GPATCH8: variants seen among roughly 807,000 people sequenced by gnomAD.
GPATCH8 encodes the protein G-patch domain containing 8.
Under a neutral mutation model 118.3 loss-of-function variants are expected in GPATCH8, and 18 were observed. The observed-to-expected ratio is 0.15, with a 90% CI of 0.11 to 0.23. The LOEUF (loss-of-function observed/expected upper bound fraction) is 0.23. GPATCH8 is among the 10% of genes least tolerant of loss of function. The pLI is 1.00. For synonymous variants in GPATCH8, 659 were observed against 684.7 expected (o/e 0.96, Z 0.59); for missense variants, 1,631 against 1,873.8 (o/e 0.87, Z 2.39).
intron 6 of GPATCH8, among the ~76,000 whole-genome samples, chr17:44,419,846 T>C (rs1304791293): frequency 2.6e-5 from 4 of 152,134 alleles, no homozygotes; most frequent in Non-Finnish European, 5.9e-5. Flanking sequence ...ACATTCCAAG[T>C]TCAGGGAAGA....
intron 1 of GPATCH8, among the ~76,000 whole-genome samples, chr17:44,475,161 C>G (rs1967640429): frequency 2.1e-5 from 3 of 145,572 alleles, no homozygotes; most frequent in Admixed American, 1.4e-4. Flanking sequence ...GGTGGATCAC[C>G]TGAGGTCAGG....
rs551110805 is a variant in GPATCH8, at chr17:44,483,962, G to A, written c.46-9059C>T. Among the ~76,000 whole-genome samples, 403 of 151,986 alleles carry A rather than the reference G, an allele frequency of 2.7e-3. 1 individual carries two copies. The highest frequency in any genetic ancestry group is 4.1e-3 in the Non-Finnish European group (276 of 67,976). On this transcript the variant is annotated intron_variant, in intron 1 of 7. Transcript: ENST00000591680. The stretch of plus-strand genomic sequence containing the variant: ...GTTCAAGCGATTCTCCTGCTTCAGC[G>A]TCCCGAGTAGCTAGGACTATAGGCA...
chr17:44,485,418 C>T (rs2144436377), intron 1 of GPATCH8, among the ~76,000 whole-genome samples: 1 of 152,160 alleles, frequency 6.6e-6, no homozygotes. Flanking sequence ...CTGGCCTTTA[C>T]TAATGTTTGA....
At chr17:44,430,262 T>C (rs1047142153) in intron 5 of GPATCH8, among the ~76,000 whole-genome samples, 3 of 152,178 alleles carry the variant, frequency 2.0e-5, no homozygotes, top group African/African-American at 7.2e-5. Context: ...TGTGTACAGA[T>C]GCAAAAATGC....
intron 3 of GPATCH8, among the ~76,000 whole-genome samples, chr17:44,445,557 G>C (rs902185840): frequency 5.3e-5 from 8 of 151,570 alleles, no homozygotes; most frequent in African/African-American, 1.9e-4. Flanking sequence ...CTAGGCTGGA[G>C]TGCAACAGCG....
In GPATCH8 at chr17:44,399,425, A is replaced by G. The variant is rs759909459; in HGVS notation, c.2652T>C (p.Ser884=). 26 of 1,613,922 alleles carry G rather than the reference A, an allele frequency of 1.6e-5. No homozygotes were observed. The South Asian group carries it at 2.9e-4, about 18-fold the overall frequency. Residue 884 remains serine (S), a synonymous_variant, in exon 8 of 8, where the codon AGT becomes AGC. Coordinates refer to ENST00000591680, the MANE Select transcript of GPATCH8 (RefSeq NM_001002909.4). ...SDASSDQSCY[S]RQRSYSDDSY... The stretch of plus-strand genomic sequence containing the variant: ...TGTCATCAGAGTAACTGCGCTGTCT[A>G]CTATAGCAGCTCTGGTCTGAAGAGG...
At chr17:44,425,905 G>A (rs2050073499) in intron 5 of GPATCH8, among the ~76,000 whole-genome samples, 2 of 151,848 alleles carry the variant, frequency 1.3e-5, no homozygotes, top group South Asian at 4.2e-4. Flanking sequence ...TTTCTTCTTG[G>A]GTATCATAAA....
At chr17:44,481,695 A>C (rs190241302) in intron 1 of GPATCH8, among the ~76,000 whole-genome samples, 5 of 152,314 alleles carry the variant, frequency 3.3e-5, no homozygotes, top group Admixed American at 6.5e-5. Context: ...AAATTTTTTG[A>C]AAAATGGTGA....
At chr17:44,463,046 G>A (rs1421864069) in intron 3 of GPATCH8, among the ~76,000 whole-genome samples, 4 of 151,946 alleles carry the variant, frequency 2.6e-5, no homozygotes, top group African/African-American at 7.2e-5. Flanking sequence ...TTCAAGCCCT[G>A]TCCTCCTGGT....
At chr17:44,416,656 T>C (rs1334418423) in intron 6 of GPATCH8, among the ~76,000 whole-genome samples, 2 of 152,332 alleles carry the variant, frequency 1.3e-5, no homozygotes, top group Admixed American at 6.5e-5. Flanking sequence ...AAGAGAACTG[T>C]GCTGTTTAAG....
chr17:44,431,363 G>T (rs2050306001), intron 5 of GPATCH8, among the ~76,000 whole-genome samples: 2 of 88,450 alleles, frequency 2.3e-5, no homozygotes, highest in Non-Finnish European at 4.1e-5. Context: ...GACAGAACAA[G>T]ACTGTCTCAA....
rs775895549 is a variant in GPATCH8, at chr17:44,400,537, T to C, written c.1540A>G (p.Lys514Glu). Residue 514 changes from lysine (K) to glutamate (E), a missense_variant, in exon 8 of 8, where the codon AAA (lysine) becomes GAA (glutamate). Lys to Glu is a moderately conservative substitution (Grantham distance 56). This residue lies in a region of GPATCH8 where 405 missense variants were observed against 462.7 expected (regional missense o/e 0.88). Coordinates refer to ENST00000591680, the MANE Select transcript of GPATCH8 (RefSeq NM_001002909.4). Reference sequence around the variant, plus strand: ...GCTGGGGTGGCCAGAGAGGTTTCTTTAGAAGAGTTGGACTCACACATTTGG... The same window carrying C: ...GCTGGGGTGGCCAGAGAGGTTTCTTCAGAAGAGTTGGACTCACACATTTGG... ...ETQMCESNSS[K>E]ETSLATPAGK... is the part of the protein sequence containing the mutation. 1.4e-5 allele frequency: 22 copies of C among 1,614,148 alleles called. No individual in the cohort carries two copies. Among genetic ancestry groups the C allele is most frequent in the African/African-American group, 6.7e-5 (5 of 75,056 alleles).
chr17:44,449,126 A>G (rs577206235), intron 3 of GPATCH8, among the ~76,000 whole-genome samples: 96 of 152,128 alleles, frequency 6.3e-4, no homozygotes, highest in African/African-American at 2.3e-3. Context: ...AAAATACAAA[A>G]ATTAGCCAGG....
chr17:44,490,848 C>A (rs984726177), intron 1 of GPATCH8, among the ~76,000 whole-genome samples: 2 of 152,172 alleles, frequency 1.3e-5, no homozygotes, highest in Non-Finnish European at 2.9e-5. Context: ...AAGGATTCTA[C>A]TTCCAAACAC....
At chr17:44,415,741 T>C (rs547883277) in intron 6 of GPATCH8, among the ~76,000 whole-genome samples, 9 of 152,190 alleles carry the variant, frequency 5.9e-5, no homozygotes, top group African/African-American at 2.2e-4. Flanking sequence ...GAACAAAGAG[T>C]CTAATCCCAG....
At chr17:44,481,156 C>T (rs1001791485) in intron 1 of GPATCH8, among the ~76,000 whole-genome samples, 1 of 152,218 alleles carries the variant, frequency 6.6e-6, no homozygotes, top group African/African-American at 2.4e-5. Context: ...ATCTGCCCAT[C>T]TTAGCCTCCC....
chr17:44,502,853 T>C (rs747712345), intron 1 of GPATCH8, among the ~76,000 whole-genome samples: 3 of 152,182 alleles, frequency 2.0e-5, no homozygotes, highest in South Asian at 2.1e-4. Context: ...ATGAAAGGAA[T>C]TGATTTATCA....
chr17:44,442,856 T>C (rs1482135019), intron 3 of GPATCH8, among the ~76,000 whole-genome samples: 3 of 152,190 alleles, frequency 2.0e-5, no homozygotes, highest in African/African-American at 7.2e-5. Context: ...GGCAGGAAGA[T>C]GCCTTGAGGA....
At chr17:44,475,985 A>C (rs1449468005) in intron 1 of GPATCH8, among the ~76,000 whole-genome samples, 1 of 152,126 alleles carries the variant, frequency 6.6e-6, no homozygotes, top group Non-Finnish European at 1.5e-5. Context: ...GCTGTGATCA[A>C]GCCACTGCAC....
Sources: gnomAD v4.1 joint callset for allele counts (sites outside exome capture counted in the v4.1 genomes callset) on GRCh38, gnomAD v4.1.1 for gene constraint, gnomAD v4.1.1 regional missense constraint, MANE v1.5 for transcripts, NCBI Gene and HGNC (gene_info 2026-07-23, HGNC 2026-07-21) for gene names.